SCYL2: variants seen among roughly 807,000 people sequenced by gnomAD.
SCYL2 encodes SCY1-like protein 2.
A neutral mutation model predicts 100.4 loss-of-function variants in SCYL2; 36 were observed. The observed-to-expected ratio is 0.36, with a 90% CI of 0.27 to 0.47. SCYL2 has a LOEUF of 0.47. Ranked by LOEUF, SCYL2 falls within the 20% of genes least tolerant of loss-of-function variation. The pLI, the probability that SCYL2 is intolerant of heterozygous loss-of-function variation, is 1.00. For synonymous variants in SCYL2, 330 were observed against 359.2 expected, an observed-to-expected ratio of 0.92 and a Z score of 0.92; for missense variants, 902 against 1,083.9, an observed-to-expected ratio of 0.83 and a Z score of 2.36.
At chr12:100,314,410 C>A in intron 7 of SCYL2, 79 bp from the exon 8 acceptor site, 1 of 1,022,808 alleles carries the variant, frequency 9.8e-7, no homozygotes, top group Non-Finnish European at 1.4e-6. Flanking sequence ...ATTTTTTTTA[C>A]CATATTGTGA....
intron 14 of SCYL2, among the ~76,000 whole-genome samples, chr12:100,334,824 G>A (rs537657090): frequency 6.6e-6 from 1 of 151,864 alleles, no homozygotes; most frequent in African/African-American, 2.4e-5. Context: ...TATTAAAATC[G>A]AAGCCCCACT....
At chr12:100,333,807 A>G (rs936633909) in intron 13 of SCYL2, 1 of 156,112 alleles carries the variant, frequency 6.4e-6, no homozygotes, top group African/African-American at 2.4e-5. Context: ...ACAAATTCAG[A>G]TGGTTAATTT....
At chr12:100,286,409 C>G (rs541100845) in intron 2 of SCYL2, among the ~76,000 whole-genome samples, 1 of 152,136 alleles carries the variant, frequency 6.6e-6, no homozygotes, top group Non-Finnish European at 1.5e-5. Flanking sequence ...GAGTAGTCTT[C>G]TAGTATCCTA....
At chr12:100,274,856 CT>C (rs2096291068) in intron 1 of SCYL2, among the ~76,000 whole-genome samples, 1 of 152,212 alleles carries the variant, frequency 6.6e-6, no homozygotes, top group Non-Finnish European at 1.5e-5. Context: ...GCCATAGACC[CT>C]TTTGACAATT....
intron 4 of SCYL2, among the ~76,000 whole-genome samples, chr12:100,306,786 A>G (rs944137125): frequency 6.6e-6 from 1 of 152,242 alleles, no homozygotes; most frequent in African/African-American, 2.4e-5. Context: ...GCTGATAAGC[A>G]ACTTCAGCAA....
intron 3 of SCYL2, among the ~76,000 whole-genome samples, chr12:100,293,740 A>G (rs2096313420): frequency 6.6e-6 from 1 of 152,034 alleles, no homozygotes; most frequent in Admixed American, 6.5e-5. Flanking sequence ...CTTAACGAGC[A>G]TGCTGCCTTC....
In SCYL2 at chr12:100,314,585, C is replaced by T. The variant is rs767792274; in HGVS notation, c.1066C>T (p.Leu356=). The change falls in exon 8 of 18, where the codon CTG becomes TTG. Residue 356 remains leucine, a synonymous_variant. Transcript: ENST00000360820. ...TCAGAAATCACAGTTTTTCAAAGGA[C>T]TGCCAAAGGTTCTACCAAAACTGCC... is the stretch of plus-strand genomic sequence containing the variant. The part of the protein sequence containing the change: ...NLQKSQFFKG[L]PKVLPKLPKR... The T allele has an allele frequency of 1.2e-6, 2 of 1,601,162 alleles. No homozygotes were observed. Among genetic ancestry groups the T allele is most frequent in the South Asian group, 2.3e-5 (2 of 87,892 alleles).
intron 4 of SCYL2, among the ~76,000 whole-genome samples, chr12:100,300,150 G>C (rs987189060): frequency 1.3e-5 from 2 of 152,050 alleles, no homozygotes; most frequent in Admixed American, 6.5e-5. Flanking sequence ...TTTGCCATCT[G>C]AATATCTTTT....
chr12:100,287,313 T>C (rs2096305448), intron 2 of SCYL2, among the ~76,000 whole-genome samples: 1 of 151,996 alleles, frequency 6.6e-6, no homozygotes, highest in South Asian at 2.1e-4. Flanking sequence ...AGAGAGGGGG[T>C]CTTAATATGT....
At chr12:100,334,102 T>G in intron 13 of SCYL2, 64 bp from the exon 14 acceptor site, 2 of 942,024 alleles carry the variant, frequency 2.1e-6, no homozygotes, top group Non-Finnish European at 3.4e-6. Context: ...CTGAATTATC[T>G]TAATTGATTA....
Position 100,341,596 on chromosome 12 carries a change from T to TA in SCYL2, c.*2424_*2425insA, listed in dbSNP as rs1394969712. The stretch of plus-strand genomic sequence containing the variant: ...CACTGAATAAGGAAGTAGTTTTTGT[T>TA]TTCTTTTGACCTGTAAAATACCTCA... On this transcript the variant is annotated 3_prime_UTR_variant, in exon 18 of 18. Coordinates refer to ENST00000360820, the MANE Select transcript of SCYL2 (RefSeq NM_017988.6). 6.9e-6 allele frequency: 1 copy of TA among 145,078 alleles called. No homozygotes were observed. The highest frequency in any genetic ancestry group is 2.9e-5 in the African/African-American group (1 of 34,760). 9.0% of individuals were successfully genotyped at this position (145,078 alleles called of 1,614,324 possible).
At chr12:100,331,957 A>G (rs1566371765) in intron 13 of SCYL2, among the ~76,000 whole-genome samples, 3 of 152,208 alleles carry the variant, frequency 2.0e-5, no homozygotes, top group Admixed American at 1.3e-4. Context: ...GGGGGTTTCT[A>G]AGACCACCCC....
chr12:100,282,148 C>T (rs1447174347), intron 1 of SCYL2, among the ~76,000 whole-genome samples: 3 of 151,738 alleles, frequency 2.0e-5, no homozygotes. Context: ...CCTTAGTCTC[C>T]CTAGTAGCTG....
At chr12:100,284,170 T>C (rs773927186) in intron 2 of SCYL2, among the ~76,000 whole-genome samples, 19 of 152,214 alleles carry the variant, frequency 1.2e-4, no homozygotes, top group Admixed American at 1.3e-4. Context: ...GATGTGGTAA[T>C]ATATAATAGC....
intron 1 of SCYL2, among the ~76,000 whole-genome samples, chr12:100,278,415 A>T (rs1200689492): frequency 6.6e-6 from 1 of 151,992 alleles, no homozygotes; most frequent in Non-Finnish European, 1.5e-5. Context: ...GCCTAGGCTC[A>T]TCTCGAACTG....
intron 4 of SCYL2, among the ~76,000 whole-genome samples, chr12:100,308,992 T>C (rs1189153178): frequency 1.3e-5 from 2 of 152,012 alleles, no homozygotes; most frequent in African/African-American, 2.4e-5. Context: ...GTGTAGGCAA[T>C]TGAGGACTGA....
At chr12:100,308,847 A>G (rs539677555) in intron 4 of SCYL2, among the ~76,000 whole-genome samples, 1 of 152,276 alleles carries the variant, frequency 6.6e-6, no homozygotes, top group South Asian at 2.1e-4. Flanking sequence ...AGTTGAGCCC[A>G]GCATAGCTTT....
At chr12:100,295,446 G>C (rs993665044) in intron 3 of SCYL2, among the ~76,000 whole-genome samples, 2 of 152,176 alleles carry the variant, frequency 1.3e-5, no homozygotes, top group South Asian at 2.1e-4. Flanking sequence ...CTGCAATCCC[G>C]GCACCTCGGG....
chr12:100,277,367 A>G (rs1013086273), intron 1 of SCYL2, among the ~76,000 whole-genome samples: 1 of 152,214 alleles, frequency 6.6e-6, no homozygotes, highest in African/African-American at 2.4e-5. Context: ...GAAGTCTCCA[A>G]CTATAATTAT....
Sources: allele counts gnomAD v4.1 joint callset (sites outside exome capture counted in the v4.1 genomes callset), GRCh38; gene constraint gnomAD v4.1.1; transcripts MANE v1.5; gene names NCBI Gene and HGNC (gene_info 2026-07-23, HGNC 2026-07-21).